The following EDARADD variants were observed in gnomAD, a reference collection of about 807,000 sequenced individuals.
EDARADD encodes EDAR associated via death domain.
Under a neutral mutation model 25.6 loss-of-function variants are expected in EDARADD, and 20 were observed. The observed-to-expected ratio is 0.78, with a 90% CI of 0.55 to 1.14. The LOEUF is 1.14. Ranked by LOEUF, EDARADD falls within the 50% of genes most tolerant of loss-of-function variation. EDARADD has a pLI of 0.00. For synonymous variants in EDARADD, 86 were observed against 94.4 expected (o/e 0.91, Z 0.52); for missense variants, 225 against 270.1 (o/e 0.83, Z 1.17).
chr1:236,357,847 C>T (rs1299766981), intron 3 of EDARADD, among the ~76,000 whole-genome samples: 3 of 151,538 alleles, frequency 2.0e-5, no homozygotes, highest in Non-Finnish European at 4.4e-5. Context: ...TATATCACCA[C>T]CTTACAAGGA....
Position 236,482,313 on chromosome 1 carries a change from C to A in EDARADD, c.312C>A (p.Ser104=), listed in dbSNP as rs1659700129. Residue 104 remains serine, a synonymous_variant, in exon 6 of 6, where the codon TCC becomes TCA. Coordinates refer to ENST00000334232, the MANE Select transcript of EDARADD (RefSeq NM_145861.4). Reference sequence around the variant, plus strand: ...GCAAAGAAAACTGTACTTGTTCCTCCTGCTTGCTCCGGGCCCCCACCATAA... The same window carrying A: ...GCAAAGAAAACTGTACTTGTTCCTCATGCTTGCTCCGGGCCCCCACCATAA... ...NSCKENCTCS[S]CLLRAPTISD... The A allele has an allele frequency of 6.2e-7, 1 of 1,614,048 alleles. No individual in the cohort carries two copies. The highest frequency in any genetic ancestry group is 1.7e-5 in the Admixed American group (1 of 59,980).
chr1:236,442,819 T>C (rs1273415395), intron 4 of EDARADD, among the ~76,000 whole-genome samples: 5 of 152,200 alleles, frequency 3.3e-5, no homozygotes, highest in Non-Finnish European at 5.9e-5. Flanking sequence ...ATTAATGTTG[T>C]TTTCATGCCT....
At chr1:236,362,892 G>A (rs1667065951) in intron 3 of EDARADD, among the ~76,000 whole-genome samples, 1 of 148,778 alleles carries the variant, frequency 6.7e-6, no homozygotes, top group South Asian at 2.1e-4. Context: ...TGGGCTGGTT[G>A]CAGTGGCTCA....
intron 3 of EDARADD, among the ~76,000 whole-genome samples, chr1:236,366,138 T>G (rs552697846): frequency 6.6e-6 from 1 of 152,356 alleles, no homozygotes; most frequent in East Asian, 1.9e-4. Context: ...TTTTTCTGCC[T>G]CTTCGCATGC....
chr1:236,452,095 G>A (rs1035599813), intron 4 of EDARADD, among the ~76,000 whole-genome samples: 3 of 152,204 alleles, frequency 2.0e-5, no homozygotes, highest in African/African-American at 7.2e-5. Flanking sequence ...TGGCAGAAAG[G>A]TTGGGCCTGT....
At chr1:236,409,139 C>T in intron 1 of EDARADD, 77 bp from the exon 2 acceptor site, 2 of 985,338 alleles carry the variant, frequency 2.0e-6, no homozygotes, top group South Asian at 1.5e-5. Context: ...TGTATAGAGA[C>T]AGTTATCAAA....
chr1:236,375,174 G>T (rs987012643), intron 3 of EDARADD, among the ~76,000 whole-genome samples: 1 of 151,834 alleles, frequency 6.6e-6, no homozygotes, highest in African/African-American at 2.4e-5. Flanking sequence ...CATTACACAG[G>T]CAGTGCAGGT....
intron 3 of EDARADD, among the ~76,000 whole-genome samples, chr1:236,382,817 G>A (rs1667316188): frequency 6.6e-6 from 1 of 152,176 alleles, no homozygotes; most frequent in African/African-American, 2.4e-5. Context: ...CTAGCCCTGA[G>A]TGAGCACCAG....
At chr1:236,452,928 G>A (rs776910903) in intron 4 of EDARADD, among the ~76,000 whole-genome samples, 19 of 152,068 alleles carry the variant, frequency 1.2e-4, no homozygotes, top group African/African-American at 7.2e-5. Context: ...TGTTTATTAC[G>A]GGACTTGGAG....
chr1:236,435,153 C>T (rs1234905610), intron 4 of EDARADD, among the ~76,000 whole-genome samples: 1 of 152,082 alleles, frequency 6.6e-6, no homozygotes, highest in Non-Finnish European at 1.5e-5. Flanking sequence ...CAAGGAAAAT[C>T]GTCCTTATAG....
chr1:236,483,956 C>G lies in EDARADD; in HGVS notation c.*1307C>G, dbSNP rs967882429. 7.3e-7 allele frequency: 1 copy of G among 1,369,342 alleles called. No homozygotes were observed. The highest frequency in any genetic ancestry group is 1.0e-6 in the Non-Finnish European group (1 of 959,882). 84.8% of individuals were successfully genotyped at this position (1,369,342 alleles called of 1,614,324 possible). ...AGTATGACCTGGAATTCAAGTTTCT[C>G]GACGACCCCACCAGGTACATCTCAC... On this transcript the variant is annotated 3_prime_UTR_variant, in exon 6 of 6. Coordinates refer to ENST00000334232, the MANE Select transcript of EDARADD (RefSeq NM_145861.4).
At chr1:236,462,826 G>T (rs1558132973) in intron 4 of EDARADD, among the ~76,000 whole-genome samples, 1 of 152,136 alleles carries the variant, frequency 6.6e-6, no homozygotes, top group Non-Finnish European at 1.5e-5. Context: ...ACAAAATGGG[G>T]GTTTTCTTTA....
chr1:236,375,634 C>T (rs573069047), intron 3 of EDARADD, among the ~76,000 whole-genome samples: 82 of 109,588 alleles, frequency 7.5e-4, no homozygotes, highest in African/African-American at 2.8e-3. Context: ...CCAGCCTGGG[C>T]AACAGAGTGA....
At chr1:236,415,787 C>T (rs1657619828) in intron 3 of EDARADD, among the ~76,000 whole-genome samples, 1 of 152,032 alleles carries the variant, frequency 6.6e-6, no homozygotes, top group Non-Finnish European at 1.5e-5. Flanking sequence ...CAGGTTGTCA[C>T]AGTGGGGCCT....
At chr1:236,478,238 G>A (rs528806250) in intron 5 of EDARADD, among the ~76,000 whole-genome samples, 2 of 152,200 alleles carry the variant, frequency 1.3e-5, no homozygotes, top group East Asian at 3.9e-4. Context: ...CCTATTAGTG[G>A]TGAGATGATT....
rs1283522072 is a variant in EDARADD, at chr1:236,398,881, A to G, written c.61+4376A>G. 6.6e-6 allele frequency among the ~76,000 whole-genome samples: 1 copy of G among 152,250 alleles called. No individual in the cohort carries two copies. The highest frequency in any genetic ancestry group is 1.9e-4 in the East Asian group (1 of 5,208). On this transcript the variant is annotated intron_variant, in intron 1 of 5. Coordinates refer to ENST00000334232, the MANE Select transcript of EDARADD (RefSeq NM_145861.4). This position sits in a 1 kb window ranked among gnomAD's most constrained non-coding sequence, Gnocchi z 4.1. ...TCCAGTAGGAAATAAACTCGTGGAC[A>G]GAGGTCATGTCTGTGTGGTAGCTCT...
At chr1:236,390,941 G>GTTA (rs377087092), upstream of EDARADD, among the ~76,000 whole-genome samples, 15 of 148,922 alleles carry the variant, frequency 1.0e-4, no homozygotes, top group East Asian at 4.0e-4. Flanking sequence ...TCTTGGGTTA[G>GTTA]TTGTTATTAT....
chr1:236,478,455 T>C (rs1659571043), intron 5 of EDARADD, among the ~76,000 whole-genome samples: 1 of 150,612 alleles, frequency 6.6e-6, no homozygotes, highest in Non-Finnish European at 1.5e-5. Flanking sequence ...ATGATATATA[T>C]ATGTGTGTGT....
At chr1:236,459,904 T>C (rs189335318) in intron 4 of EDARADD, among the ~76,000 whole-genome samples, 2 of 152,126 alleles carry the variant, frequency 1.3e-5, no homozygotes, top group African/African-American at 4.8e-5. Flanking sequence ...GCACCGGCCT[T>C]AGCTCTTTTA....
Sources: allele counts gnomAD v4.1 joint callset (sites outside exome capture counted in the v4.1 genomes callset), GRCh38; gene constraint gnomAD v4.1.1; non-coding constraint Gnocchi (gnomAD v3.1); transcripts MANE v1.5; gene names NCBI Gene and HGNC (gene_info 2026-07-23, HGNC 2026-07-21).